The following ANO1 variants were observed in gnomAD, a reference collection of about 807,000 sequenced individuals.
ANO1 encodes anoctamin-1.
In ANO1, 59 loss-of-function variants were observed where a neutral mutation model predicts 124.0. The observed-to-expected ratio is 0.48, with a 90% confidence interval of 0.39 to 0.59. ANO1 has a LOEUF of 0.59. Among genes scored for constraint, ANO1 ranks in the 20% least tolerant of loss-of-function variants. ANO1 has a pLI of 0.00. For missense variants in ANO1, 1,059 were observed against 1,328.0 expected (o/e 0.80, Z 3.15); for synonymous variants, 529 against 532.0 (o/e 0.99, Z 0.08).
chr11:70,140,391 C>T (rs1391869102), intron 11 of ANO1, among the ~76,000 whole-genome samples: 5 of 151,998 alleles, frequency 3.3e-5, no homozygotes, highest in Non-Finnish European at 5.9e-5. Flanking sequence ...ATTAGCCGAG[C>T]GTGGTGGCAG....
chr11:70,145,943 C>CAAA (rs10589426), intron 11 of ANO1, among the ~76,000 whole-genome samples: 64 of 108,634 alleles, frequency 5.9e-4, no homozygotes, highest in Non-Finnish European at 7.3e-4. Flanking sequence ...TCTCAAAAAA[C>CAAA]AAAAAAAAAA....
rs573451124 is a variant in ANO1 at position 70,182,033 on chromosome 11, C to T, written c.2404-469C>T. On this transcript the variant is annotated intron_variant, in intron 23 of 25. Coordinates refer to ENST00000355303, the MANE Select transcript of ANO1 (RefSeq NM_018043.7). ...CTCTTGTAAGGGCACCAGCCAGAGC[C>T]GGTGCTATAATAGAATGAGCCGGGT... is the stretch of plus-strand genomic sequence containing the variant. Among the ~76,000 whole-genome samples the T allele has an allele frequency of 7.9e-5, 12 of 152,112 alleles. No individual in the cohort carries two copies. The South Asian group carries it at 1.9e-3, about 24-fold the overall frequency.
intron 11 of ANO1, among the ~76,000 whole-genome samples, chr11:70,135,643 C>T (rs1238851001): frequency 6.6e-6 from 1 of 152,192 alleles, no homozygotes; most frequent in African/African-American, 2.4e-5. Context: ...CAGAACTGGG[C>T]CTCCCTCCTC....
intron 8 of ANO1, among the ~76,000 whole-genome samples, chr11:70,120,804 T>G (rs567776783): frequency 5.9e-5 from 9 of 152,250 alleles, no homozygotes; most frequent in African/African-American, 2.2e-4. Flanking sequence ...CTGAGGGTTG[T>G]TGGGATCCCT....
chr11:70,123,131 G>C (rs764638959), intron 8 of ANO1, among the ~76,000 whole-genome samples: 13 of 152,118 alleles, frequency 8.5e-5, no homozygotes, highest in Non-Finnish European at 1.3e-4. Context: ...TGGGGGAAGG[G>C]GTCTGCCCAG....
chr11:70,010,179 G>GTGTGTGTGTGTGTATATATATATATATA, intron 1 of ANO1, among the ~76,000 whole-genome samples: 3 of 83,768 alleles, frequency 3.6e-5, no homozygotes, highest in South Asian at 4.7e-4. Context: ...GTGTGTGTGT[G>GTGTGTGTGTGTGTATATATATATATATA]TATATATATA....
At chr11:70,127,415 G>T (rs1455548239) in intron 10 of ANO1, among the ~76,000 whole-genome samples, 1 of 152,162 alleles carries the variant, frequency 6.6e-6, no homozygotes, top group Non-Finnish European at 1.5e-5. Context: ...ATGTAGATCC[G>T]ATGTGCCTTC....
At chr11:70,165,732 C>T (rs2048232052) in intron 20 of ANO1, among the ~76,000 whole-genome samples, 162 bp downstream of exon 20, 1 of 152,076 alleles carries the variant, frequency 6.6e-6, no homozygotes, top group Non-Finnish European at 1.5e-5. Context: ...GGGCAAAAGC[C>T]ACCCCAGGCC....
chr11:70,101,585 CAA>C (rs71463659), intron 2 of ANO1, among the ~76,000 whole-genome samples: 6 of 75,892 alleles, frequency 7.9e-5, no homozygotes, highest in Admixed American at 1.5e-4. Context: ...GATTAAAAAC[CAA>C]AAAAAAAAAA....
chr11:70,053,647 T>A (rs1555006507), intron 1 of ANO1, among the ~76,000 whole-genome samples: 1 of 152,200 alleles, frequency 6.6e-6, no homozygotes, highest in Non-Finnish European at 1.5e-5. Context: ...TTATAAGATA[T>A]ATGTATATTT....
At chr11:70,109,126 G>C (rs892815987) in intron 6 of ANO1, among the ~76,000 whole-genome samples, 2 of 152,162 alleles carry the variant, frequency 1.3e-5, no homozygotes, top group Non-Finnish European at 2.9e-5. Flanking sequence ...CGTGCCATAG[G>C]GTAGCATCCA....
At position 70,095,279 on chromosome 11, in the gene ANO1, G is replaced by GAAA. The variant is rs2044820952; in HGVS notation, c.441+7195_441+7196insAAA. On this transcript the variant is annotated intron_variant, in intron 2 of 25. Transcript: ENST00000355303. ...AGGAAGGAAGGAAGGAAGGAAGGAA[G>GAAA]GAAGGAAGGAAGGAAGGAAGGAAAG... Among the ~76,000 whole-genome samples the GAAA allele has an allele frequency of 1.3e-4, 12 of 95,464 alleles. 1 individual carries two copies. Among genetic ancestry groups the GAAA allele is most frequent in the African/African-American group, 4.1e-4 (9 of 21,968 alleles). The allele number at this position is 95,464 out of a possible 152,430, so 62.6% of individuals were successfully genotyped here. A position where few individuals can be genotyped will look rare whatever the true frequency, so the allele number is the denominator to read the frequency against.
At chr11:70,159,493 G>A (rs1207580165) in intron 16 of ANO1, among the ~76,000 whole-genome samples, 1 of 152,244 alleles carries the variant, frequency 6.6e-6, no homozygotes, top group Non-Finnish European at 1.5e-5. Flanking sequence ...TGTCACAAGG[G>A]CTTCATAGGG....
At chr11:70,001,779 G>A (rs4246970) in intron 1 of ANO1, among the ~76,000 whole-genome samples, 1 of 42,462 alleles carries the variant, frequency 2.4e-5, no homozygotes, top group South Asian at 1.3e-3. Context: ...TAAGATGTGT[G>A]TGTGTGTGTG....
chr11:70,026,967 C>A (rs1416087196), intron 1 of ANO1, among the ~76,000 whole-genome samples: 2 of 152,174 alleles, frequency 1.3e-5, no homozygotes, highest in Admixed American at 1.3e-4. Context: ...GACACTTTTC[C>A]CCTGTATCCA....
chr11:70,149,616 C>G lies in ANO1; in HGVS notation c.1259-94C>G, dbSNP rs141370748. 52 of 1,352,746 alleles carry G rather than the reference C, an allele frequency of 3.8e-5. No homozygotes were observed. The Admixed American group carries it at 7.6e-4, about 20-fold the overall frequency. 83.8% of individuals were successfully genotyped at this position (1,352,746 alleles called of 1,614,324 possible). On this transcript the variant is annotated intron_variant, in intron 11 of 25. Transcript: ENST00000355303. ...AGTGGGTGGAGATTGCGCCATTGCACTACAGCCTGGGCAACAAGAGCAAAA... is the reference window on the plus strand; with the variant it reads ...AGTGGGTGGAGATTGCGCCATTGCAGTACAGCCTGGGCAACAAGAGCAAAA...
intron 12 of ANO1, among the ~76,000 whole-genome samples, chr11:70,151,176 A>G (rs905084030): frequency 6.6e-6 from 1 of 152,264 alleles, no homozygotes; most frequent in African/African-American, 2.4e-5. Flanking sequence ...CAATAGATAT[A>G]AAGCACTTAG....
rs6592467 is a variant in ANO1 at position 70,172,622 on chromosome 11, C to T, written c.2350+1583C>T. Among the ~76,000 whole-genome samples the T allele has an allele frequency of 8.1e-3, 1,237 of 152,212 alleles. 22 individuals are homozygous for T. The highest frequency in any genetic ancestry group is 0.028 in the African/African-American group (1,175 of 41,524). On this transcript the variant is annotated intron_variant, in intron 22 of 25. Coordinates refer to ENST00000355303, the MANE Select transcript of ANO1 (RefSeq NM_018043.7). ...CAGTGGCTCATGCCTGTAATCCCAG[C>T]ACTTTGGGAGGCGGAAGCAGGTGGA...
chr11:70,099,292 T>C (rs2135326690), intron 2 of ANO1, among the ~76,000 whole-genome samples: 1 of 152,176 alleles, frequency 6.6e-6, no homozygotes, highest in African/African-American at 2.4e-5. Flanking sequence ...CCACATGTGT[T>C]TTTGCCGAAC....
Sources: allele counts gnomAD v4.1 joint callset (sites outside exome capture counted in the v4.1 genomes callset), GRCh38; gene constraint gnomAD v4.1.1; transcripts MANE v1.5; gene names NCBI Gene and HGNC (gene_info 2026-07-23, HGNC 2026-07-21).